Variants in LRP8 observed in about 807,000 individuals in gnomAD.
LRP8 encodes LDL receptor related protein 8.
A neutral mutation model predicts 111.6 loss-of-function variants in LRP8; 46 were observed. The observed-to-expected ratio is 0.41, with a 90% CI of 0.33 to 0.53. LRP8 has a LOEUF of 0.53. Among genes scored for constraint, LRP8 ranks in the 20% least tolerant of loss-of-function variants. The pLI is 0.20. For synonymous variants in LRP8, 464 were observed against 511.2 expected, an observed-to-expected ratio of 0.91 and a Z score of 1.24; for missense variants, 959 against 1,297.4, an observed-to-expected ratio of 0.74 and a Z score of 4.01.
At chr1:53,261,680 A>G (rs1032368052) in intron 12 of LRP8, among the ~76,000 whole-genome samples, 2 of 152,204 alleles carry the variant, frequency 1.3e-5, no homozygotes, top group African/African-American at 4.8e-5. Context: ...ATTGAACAGC[A>G]TCTCTCAGGC....
chr1:53,327,398 C>T, intron 1 of LRP8: 1 of 262,422 alleles, frequency 3.8e-6, no homozygotes, highest in Admixed American at 5.3e-5. Flanking sequence ...GCGCAGGGGT[C>T]TGCGGAAACG....
At position 53,293,546 on chromosome 1, in the gene LRP8, G is replaced by A. The variant is rs569069097; in HGVS notation, c.245-3857C>T. 8.5e-5 allele frequency among the ~76,000 whole-genome samples: 13 copies of A among 152,326 alleles called. No homozygotes were observed. Among genetic ancestry groups the A allele is most frequent in the Non-Finnish European group, 7.3e-5 (5 of 68,030 alleles). ...GTGGCAGAAGTGTGATTTCAACTGTGTGTGGCAGCTGCCAAAGCTTGATCT... is the reference window on the plus strand; with the variant it reads ...GTGGCAGAAGTGTGATTTCAACTGTATGTGGCAGCTGCCAAAGCTTGATCT... On this transcript the variant is annotated intron_variant, in intron 2 of 18. Transcript: ENST00000306052. The surrounding 1 kb of genome is among the most constrained non-coding windows in gnomAD (Gnocchi z 4.9).
intron 2 of LRP8, 100 bp downstream of exon 2, chr1:53,326,773 G>T: frequency 6.7e-7 from 1 of 1,495,244 alleles, no homozygotes. Flanking sequence ...GTCCCGCGCA[G>T]GTGGCAGCGC....
At chr1:53,327,266 G>C (rs1167992927) in intron 1 of LRP8, 2 of 475,342 alleles carry the variant, frequency 4.2e-6, no homozygotes, top group Non-Finnish European at 7.6e-6. Flanking sequence ...ACCCGCACAC[G>C]CGACCCATAG....
At chr1:53,327,673 G>T in intron 1 of LRP8, 116 bp downstream of exon 1, 1 of 1,289,338 alleles carries the variant, frequency 7.8e-7, no homozygotes, top group Non-Finnish European at 9.9e-7. Flanking sequence ...GAGCCTGTCC[G>T]CCCGGGAGCC....
intron 15 of LRP8, among the ~76,000 whole-genome samples, chr1:53,256,478 C>T (rs938653207): frequency 2.6e-5 from 4 of 152,340 alleles, no homozygotes; most frequent in South Asian, 2.1e-4. Flanking sequence ...CTGCAAACTT[C>T]GGAGTAAGTG....
At chr1:53,304,507 GC>G (rs1286332367) in intron 2 of LRP8, 1 of 152,364 alleles carries the variant, frequency 6.6e-6, no homozygotes, top group African/African-American at 2.4e-5. Context: ...CCAAGCTTCT[GC>G]TGACTCCTAT....
At chr1:53,326,741 C>G in intron 2 of LRP8, 132 bp downstream of exon 2, 1 of 1,421,512 alleles carries the variant, frequency 7.0e-7, no homozygotes, top group Non-Finnish European at 9.3e-7. Context: ...GGCGGTTTCC[C>G]GGTCGCAGGC....
intron 2 of LRP8, among the ~76,000 whole-genome samples, chr1:53,292,515 C>G (rs1485560462): frequency 2.0e-5 from 3 of 152,216 alleles, no homozygotes; most frequent in Non-Finnish European, 4.4e-5. Context: ...AGTCCATAAT[C>G]ATCTTAAAGT....
At chr1:53,288,957 CT>C (rs915800193) in intron 3 of LRP8, among the ~76,000 whole-genome samples, 2 of 152,074 alleles carry the variant, frequency 1.3e-5, no homozygotes, top group African/African-American at 4.8e-5. Flanking sequence ...TGGCCTCTAC[CT>C]CCCCCTGCCT....
At chr1:53,298,942 C>T (rs1460295568) in intron 2 of LRP8, among the ~76,000 whole-genome samples, 1 of 152,234 alleles carries the variant, frequency 6.6e-6, no homozygotes, top group Non-Finnish European at 1.5e-5. Context: ...GCTCTGCCAC[C>T]AACACGCTGT....
chr1:53,312,264 C>A (rs1653139903), intron 2 of LRP8, among the ~76,000 whole-genome samples: 1 of 152,216 alleles, frequency 6.6e-6, no homozygotes, highest in African/African-American at 2.4e-5. Context: ...ATCCACACAG[C>A]TCCCTACTCA....
chr1:53,250,256 A>G lies in LRP8; in HGVS notation c.2676+434T>C, dbSNP rs866749824. ...ACAGTATTGAAATGAATACATTTGA[A>G]TTAAATGGCCACAGTTACCCTTCCA... is the stretch of plus-strand genomic sequence containing the variant. On this transcript the variant is annotated intron_variant, in intron 17 of 18. Transcript: ENST00000306052. The surrounding 1 kb of genome is among the most constrained non-coding windows in gnomAD (Gnocchi z 4.6). 3.3e-5 allele frequency among the ~76,000 whole-genome samples: 5 copies of G among 152,368 alleles called. No homozygotes were observed. Among genetic ancestry groups the G allele is most frequent in the Middle Eastern group, 6.8e-3 (2 of 294 alleles).
chr1:53,284,436 C>T (rs772485305), intron 3 of LRP8, among the ~76,000 whole-genome samples: 6 of 152,108 alleles, frequency 3.9e-5, no homozygotes, highest in African/African-American at 1.2e-4. Context: ...GGCGAGAGAC[C>T]GAGCCTGGGT....
intron 2 of LRP8, among the ~76,000 whole-genome samples, chr1:53,304,353 G>A (rs531195163): frequency 3.0e-4 from 45 of 152,290 alleles, no homozygotes; most frequent in South Asian, 8.3e-4. Flanking sequence ...AGGCCCACGC[G>A]CAGCCACTGG....
chr1:53,327,057 G>C (rs1361588119), intron 1 of LRP8, 65 bp from the exon 2 acceptor site: 43 of 1,582,340 alleles, frequency 2.7e-5, no homozygotes, highest in South Asian at 1.0e-4. Context: ...CATGCAGTCC[G>C]GGCCACCCGG....
intron 12 of LRP8, among the ~76,000 whole-genome samples, 170 bp from the exon 13 acceptor site, chr1:53,260,775 C>G (rs1646304559): frequency 6.6e-6 from 1 of 152,220 alleles, no homozygotes; most frequent in Non-Finnish European, 1.5e-5. Context: ...TGATGCACGT[C>G]TCCTTGTTCC....
rs751253721 is a variant in LRP8 at position 53,257,426 on chromosome 1, T to C, written c.2248A>G (p.Met750Val). Residue 750 changes from methionine (M) to valine (V), a missense_variant, in exon 15 of 19, where the codon ATG becomes GTG. Around this residue, in one of 3 missense-constraint regions of LRP8, gnomAD observed 819 missense variants for 1,097.6 expected, o/e 0.75. Coordinates refer to ENST00000306052, the MANE Select transcript of LRP8 (RefSeq NM_004631.5). ...STSTTTLASTMTRTVPATTRA... is the reference protein window; with the variant it reads ...STSTTTLASTVTRTVPATTRA... ...GTGGTGGCAGGTACTGTCCTCGTCA[T>C]GGTAGAAGCTAACGTCGTAGTTGAG... The C allele has an allele frequency of 1.2e-6, 2 of 1,614,140 alleles. No individual in the cohort carries two copies. The highest frequency in any genetic ancestry group is 1.1e-5 in the South Asian group (1 of 91,082).
At chr1:53,276,572 A>C in intron 5 of LRP8, 120 bp downstream of exon 5, 4 of 750,136 alleles carry the variant, frequency 5.3e-6, no homozygotes, top group East Asian at 4.9e-5. Context: ...TCTCCTCTGT[A>C]GTAAACCCGG....
Sources: gnomAD v4.1 joint callset for allele counts (sites outside exome capture counted in the v4.1 genomes callset) on GRCh38, gnomAD v4.1.1 for gene constraint, gnomAD v4.1.1 regional missense constraint, Gnocchi (gnomAD v3.1) non-coding constraint, MANE v1.5 for transcripts, NCBI Gene and HGNC (gene_info 2026-07-23, HGNC 2026-07-21) for gene names.